ZDHHC2: variants seen among roughly 807,000 people sequenced by gnomAD.
ZDHHC2 encodes the protein palmitoyltransferase ZDHHC2.
In ZDHHC2, 51 loss-of-function variants were observed where a neutral mutation model predicts 55.6. The observed-to-expected ratio is 0.92, with a 90% CI of 0.73 to 1.16. The LOEUF is 1.16. ZDHHC2 is among the 50% of genes most tolerant of loss of function. The probability of loss-of-function intolerance (pLI) is 0.00; values close to 1 mark genes in which losing one functional copy is unlikely to be tolerated. For missense variants in ZDHHC2, 491 were observed against 442.4 expected, an observed-to-expected ratio of 1.11 and a Z score of -0.99; for synonymous variants, 199 against 152.9, an observed-to-expected ratio of 1.30 and a Z score of -2.22.
chr8:17,182,465 C>G (rs1805477967), intron 1 of ZDHHC2, among the ~76,000 whole-genome samples: 1 of 152,060 alleles, frequency 6.6e-6, no homozygotes, highest in African/African-American at 2.4e-5. Flanking sequence ...GGAAATTGAA[C>G]CGGCTCATAA....
intron 10 of ZDHHC2, among the ~76,000 whole-genome samples, chr8:17,212,677 T>G (rs1807443807): frequency 6.6e-6 from 1 of 152,206 alleles, no homozygotes; most frequent in Admixed American, 6.5e-5. Flanking sequence ...CTTCAAAATA[T>G]AAGTCAGATT....
intron 6 of ZDHHC2, among the ~76,000 whole-genome samples, chr8:17,199,517 C>CTTCGTG (rs1351993977): frequency 1.3e-4 from 5 of 39,626 alleles, no homozygotes; most frequent in African/African-American, 1.7e-4. Flanking sequence ...TCTTCTTCGT[C>CTTCGTG]TTCGTCTTCG....
intron 6 of ZDHHC2, among the ~76,000 whole-genome samples, chr8:17,202,405 C>T (rs1806835689): frequency 1.3e-5 from 2 of 151,902 alleles, no homozygotes; most frequent in Admixed American, 1.3e-4. Flanking sequence ...TTTTTTACTT[C>T]AAAGGCCACA....
chr8:17,188,821 A>G (rs1047582613), intron 3 of ZDHHC2, among the ~76,000 whole-genome samples: 1 of 152,188 alleles, frequency 6.6e-6, no homozygotes, highest in Admixed American at 6.5e-5. Context: ...CTGATTTCTC[A>G]TTTAATTCCC....
chr8:17,195,091 AG>A (rs1345061763), intron 3 of ZDHHC2, among the ~76,000 whole-genome samples: 4 of 152,218 alleles, frequency 2.6e-5, no homozygotes, highest in African/African-American at 9.6e-5. Context: ...TTAGGTAAGA[AG>A]ATATGCTTAA....
chr8:17,190,800 T>G (rs1415843594), intron 3 of ZDHHC2, among the ~76,000 whole-genome samples: 1 of 152,036 alleles, frequency 6.6e-6, no homozygotes, highest in Non-Finnish European at 1.5e-5. Flanking sequence ...AATAATCACA[T>G]CAGCGTAAAT....
At position 17,160,491 on chromosome 8, in the gene ZDHHC2, A is replaced by G. The variant is rs149465127; in HGVS notation, c.130+3638A>G. Among the ~76,000 whole-genome samples the G allele has an allele frequency of 2.0e-5, 3 of 152,370 alleles. No individual in the cohort carries two copies. In the East Asian group the frequency reaches 5.8e-4, roughly 29 times the overall value. ...AAACGAAAGAGTTAAACTAAATTCCAGAGTTGCCACAAGTTCAATGTCCTT... is the reference window on the plus strand; with the variant it reads ...AAACGAAAGAGTTAAACTAAATTCCGGAGTTGCCACAAGTTCAATGTCCTT... On this transcript the variant is annotated intron_variant, in intron 1 of 12. Transcript: ENST00000262096.
In ZDHHC2 at chr8:17,169,203, C is replaced by T. The variant is rs117044896; in HGVS notation, c.130+12350C>T. On this transcript the variant is annotated intron_variant, in intron 1 of 12. Coordinates refer to ENST00000262096, the MANE Select transcript of ZDHHC2 (RefSeq NM_016353.5). ...CAAATTTGAAGGTCTCTAGAGGTAT[C>T]CATGAGATGTATCAGTGTCACTGCA... 4.2e-4 allele frequency among the ~76,000 whole-genome samples: 64 copies of T among 151,218 alleles called. 1 individual carries two copies. The East Asian group carries it at 8.2e-3, about 19-fold the overall frequency.
Position 17,205,732 on chromosome 8 carries a change from T to C in ZDHHC2, c.554T>C (p.Phe185Ser). Residue 185 changes from phenylalanine to serine, a missense_variant, in exon 7 of 13, where the codon TTT (phenylalanine) becomes TCT (serine). Coordinates refer to ENST00000262096, the MANE Select transcript of ZDHHC2 (RefSeq NM_016353.5). ...GCTTATTCTCTGCTCTACTGCCTTT[T>C]TATTGCGGCAACAGATTTACAGTAT... The part of the protein sequence containing the change: ...FLAYSLLYCL[F>S]IAATDLQYFI... 6.2e-7 allele frequency: 1 copy of C among 1,610,066 alleles called. No homozygotes were observed. Among genetic ancestry groups the C allele is most frequent in the Non-Finnish European group, 8.5e-7 (1 of 1,178,872 alleles).
intron 6 of ZDHHC2, among the ~76,000 whole-genome samples, chr8:17,199,583 T>TTCTTCTTCTTCTTCTTCTTCG (rs1806592391): frequency 1.5e-5 from 1 of 67,454 alleles, no homozygotes; most frequent in African/African-American, 3.3e-5. Context: ...TGTCTTCTTC[T>TTCTTCTTCTTCTTCTTCTTCG]TCTTCTTTCT....
At chr8:17,169,972 A>T (rs887156541) in intron 1 of ZDHHC2, among the ~76,000 whole-genome samples, 1 of 152,194 alleles carries the variant, frequency 6.6e-6, no homozygotes, top group Non-Finnish European at 1.5e-5. Context: ...GTAGTCATGG[A>T]AATCTTTCAA....
intron 12 of ZDHHC2, among the ~76,000 whole-genome samples, chr8:17,220,033 A>T (rs1050314186): frequency 8.0e-5 from 12 of 150,576 alleles, no homozygotes; most frequent in African/African-American, 2.9e-4. Context: ...AGAGTCTGCA[A>T]TTTTTTTTTT....
In ZDHHC2 at chr8:17,208,007, C is replaced by T. The variant is rs770448020; in HGVS notation, c.645C>T (p.Phe215=). Residue 215 remains phenylalanine, a synonymous_variant, in exon 8 of 13, where the codon TTC becomes TTT. Coordinates refer to ENST00000262096, the MANE Select transcript of ZDHHC2 (RefSeq NM_016353.5). ...CCAAGTTCCATATTATGTTTTTATT[C>T]TTTGCTGCAGCTATGTTTTCTGTCA... ...TQAKFHIMFL[F]FAAAMFSVSL... The T allele has an allele frequency of 1.3e-6, 2 of 1,593,192 alleles. No homozygotes were observed. Among genetic ancestry groups the T allele is most frequent in the Non-Finnish European group, 8.6e-7 (1 of 1,168,860 alleles).
chr8:17,181,974 G>A (rs577261507), intron 1 of ZDHHC2, among the ~76,000 whole-genome samples: 6 of 152,224 alleles, frequency 3.9e-5, no homozygotes, highest in Non-Finnish European at 8.8e-5. Flanking sequence ...AGGAAACTTT[G>A]AACTTGACAA....
intron 1 of ZDHHC2, chr8:17,162,980 G>T (rs1804422306): frequency 6.6e-6 from 1 of 152,262 alleles, no homozygotes; most frequent in East Asian, 1.9e-4. Context: ...TTAAGCAGCA[G>T]TGTTTGCCTC....
At chr8:17,170,085 A>C (rs956122954) in intron 1 of ZDHHC2, among the ~76,000 whole-genome samples, 8 of 152,210 alleles carry the variant, frequency 5.3e-5, no homozygotes, top group African/African-American at 9.7e-5. Context: ...CTAGTGCTGT[A>C]GGTGAATGCA....
intron 1 of ZDHHC2, among the ~76,000 whole-genome samples, chr8:17,165,433 C>T (rs2952125): frequency 0.16 from 24,616 of 152,126 alleles, 4,265 homozygotes; most frequent in East Asian, 0.49. Flanking sequence ...ATGCAACTTA[C>T]TCCAGGACTA....
intron 1 of ZDHHC2, among the ~76,000 whole-genome samples, chr8:17,179,928 G>A (rs930138946): frequency 9.9e-5 from 15 of 152,130 alleles, no homozygotes; most frequent in Admixed American, 7.9e-4. Flanking sequence ...TGTAGGGCAT[G>A]GACCAAAAAG....
chr8:17,160,400 C>G (rs894594231), intron 1 of ZDHHC2, among the ~76,000 whole-genome samples: 4 of 152,206 alleles, frequency 2.6e-5, no homozygotes, highest in African/African-American at 9.6e-5. Context: ...TTAGTTACGT[C>G]ATTTTAAACG....
Sources: allele counts gnomAD v4.1 joint callset (sites outside exome capture counted in the v4.1 genomes callset), GRCh38; gene constraint gnomAD v4.1.1; transcripts MANE v1.5; gene names NCBI Gene and HGNC (gene_info 2026-07-23, HGNC 2026-07-21).